The following TMEM19 variants were observed in gnomAD, a reference collection of about 807,000 sequenced individuals.
TMEM19 encodes transmembrane protein 19.
TMEM19 carries 21 observed loss-of-function variants against 33.6 expected under a neutral mutation model. That is an observed-to-expected ratio of 0.62 (90% confidence interval 0.44 to 0.90). The LOEUF is 0.90. TMEM19 is among the 40% of genes least tolerant of loss of function. The pLI is 0.00. For synonymous variants in TMEM19, 149 were observed against 147.5 expected (o/e 1.01, Z -0.07); for missense variants, 402 against 401.8 (o/e 1.00, Z 0.00).
Position 71,700,970 on chromosome 12 carries a change from C to T in TMEM19, c.986C>T (p.Ala329Val), listed in dbSNP as rs1565857697. 4 of 1,611,864 alleles carry T rather than the reference C, an allele frequency of 2.5e-6. No homozygotes were observed. The highest frequency in any genetic ancestry group is 2.2e-5 in the South Asian group (2 of 90,680). The change falls in exon 6 of 6, where the codon GCT becomes GTT. Residue 329 changes from alanine to valine, a missense_variant. Transcript: ENST00000266673. The part of the protein sequence containing the change: ...VLIALLLPTA[A>V]WGFWPRG ...ATTGCCCTCTTGCTCCCAACTGCTG[C>T]TTGGGGTTTTTGGCCCAGGGGGTGA...
At chr12:71,697,694 G>A (rs779730089) in intron 4 of TMEM19, among the ~76,000 whole-genome samples, 160 bp downstream of exon 4, 14 of 151,960 alleles carry the variant, frequency 9.2e-5, no homozygotes, top group African/African-American at 2.4e-4. Flanking sequence ...AATTTCTGTC[G>A]ACTATTAAAT....
At chr12:71,689,008 G>C (rs1422527881) in intron 1 of TMEM19, among the ~76,000 whole-genome samples, 1 of 152,028 alleles carries the variant, frequency 6.6e-6, no homozygotes, top group Non-Finnish European at 1.5e-5. Flanking sequence ...TAAATATCTA[G>C]ATATCCATTA....
chr12:71,693,430 T>C (rs969481292), intron 2 of TMEM19, among the ~76,000 whole-genome samples: 2 of 152,092 alleles, frequency 1.3e-5, no homozygotes, highest in Non-Finnish European at 2.9e-5. Context: ...TTAAAGTATA[T>C]CATAGTAGTT....
intron 2 of TMEM19, among the ~76,000 whole-genome samples, chr12:71,691,792 T>C (rs1305262821): frequency 6.6e-6 from 1 of 151,920 alleles, no homozygotes; most frequent in Non-Finnish European, 1.5e-5. Flanking sequence ...TTATTATTCT[T>C]ATAGAAAAAA....
chr12:71,699,858 AG>A (rs1210446497), intron 5 of TMEM19: 1 of 152,446 alleles, frequency 6.6e-6, no homozygotes, highest in Non-Finnish European at 1.5e-5. Flanking sequence ...TCAAAAAAAA[AG>A]AAAAAAGATA....
In TMEM19 at chr12:71,704,119, G is replaced by T; in HGVS notation, c.*3124G>T. The T allele has an allele frequency of 3.5e-6, 1 of 285,054 alleles. No individual in the cohort carries two copies. Among genetic ancestry groups the T allele is most frequent in the South Asian group, 3.0e-5 (1 of 33,792 alleles). The allele number at this position is 285,054 out of a possible 1,614,324, so 17.7% of individuals were successfully genotyped here. A position where few individuals can be genotyped will look rare whatever the true frequency, so the allele number is the denominator to read the frequency against. Reference sequence around the variant, plus strand: ...AGAAGAGAGCAGATATATGTGGCTTGGGGCAGCTCCTGAAGAAGACTTGCA... The same window carrying T: ...AGAAGAGAGCAGATATATGTGGCTTTGGGCAGCTCCTGAAGAAGACTTGCA... On this transcript the variant is annotated 3_prime_UTR_variant, in exon 6 of 6. Coordinates refer to ENST00000266673, the MANE Select transcript of TMEM19 (RefSeq NM_018279.4).
In TMEM19 at chr12:71,696,462, A is replaced by T; in HGVS notation, c.271A>T (p.Ile91Phe). Residue 91 changes from isoleucine to phenylalanine, a missense_variant, in exon 3 of 6, where the codon ATT (isoleucine) becomes TTT (phenylalanine). Physicochemically the swap from Ile to Phe is conservative, Grantham distance 21 (BLOSUM62 0). Transcript: ENST00000266673. ...GGLVVGFILTIANFSFFTSLL... is the reference protein window; with the variant it reads ...GGLVVGFILTFANFSFFTSLL... Reference sequence around the variant, plus strand: ...GCTAGTCGTTGGATTTATCCTAACCATTGCAAATTTCAGCTTTTTTACCTC... The same window carrying T: ...GCTAGTCGTTGGATTTATCCTAACCTTTGCAAATTTCAGCTTTTTTACCTC... 2.5e-6 allele frequency: 4 copies of T among 1,612,190 alleles called. No homozygotes were observed. Among genetic ancestry groups the T allele is most frequent in the Non-Finnish European group, 3.4e-6 (4 of 1,179,098 alleles).
At position 71,686,743 on chromosome 12, in the gene TMEM19, A is replaced by C; in HGVS notation, c.63A>C (p.Ile21=). The change falls in exon 1 of 6, where the codon ATA becomes ATC. Residue 21 remains isoleucine, a synonymous_variant. Transcript: ENST00000266673. ...RYIKMITNIV[I]LSLIICISLA... The stretch of plus-strand genomic sequence containing the variant: ...TAAAGATGATAACTAATATAGTTAT[A>C]CTGAGCCTGATCATTTGCATTTCGT... The C allele has an allele frequency of 6.2e-7, 1 of 1,611,194 alleles. No homozygotes were observed. Among genetic ancestry groups the C allele is most frequent in the Non-Finnish European group, 8.5e-7 (1 of 1,177,974 alleles).
rs1881696615 is a variant in TMEM19, at chr12:71,686,748, G to T, written c.68G>T (p.Ser23Ile). The change falls in exon 1 of 6, where the codon AGC becomes ATC. Residue 23 changes from serine to isoleucine, a missense_variant. Coordinates refer to ENST00000266673, the MANE Select transcript of TMEM19 (RefSeq NM_018279.4). The stretch of plus-strand genomic sequence containing the variant: ...ATGATAACTAATATAGTTATACTGA[G>T]CCTGATCATTTGCATTTCGTTAGCT... Reference protein sequence around the residue: ...IKMITNIVILSLIICISLAFW... With the variant: ...IKMITNIVILILIICISLAFW... 1 of 1,612,428 alleles carries T rather than the reference G, an allele frequency of 6.2e-7. No homozygotes were observed. The highest frequency in any genetic ancestry group is 1.7e-5 in the Admixed American group (1 of 59,888).
Position 71,686,417 on chromosome 12 carries a change from G to A in TMEM19, c.-264G>A. ...GCGTGAGGCGCTGAAGCGGCCGGCA[G>A]CCGGCGACCGGCCCTCACCGTCCGC... On this transcript the variant is annotated 5_prime_UTR_variant, in exon 1 of 6. Coordinates refer to ENST00000266673, the MANE Select transcript of TMEM19 (RefSeq NM_018279.4). The A allele has an allele frequency of 3.0e-6, 1 of 332,484 alleles. No homozygotes were observed. The highest frequency in any genetic ancestry group is 5.7e-5 in the Admixed American group (1 of 17,568). 20.6% of individuals were successfully genotyped at this position (332,484 alleles called of 1,614,324 possible). A position where few individuals can be genotyped will look rare whatever the true frequency, so the allele number is the denominator to read the frequency against.
chr12:71,697,680 G>A, intron 4 of TMEM19, 146 bp downstream of exon 4: 3 of 1,065,992 alleles, frequency 2.8e-6, no homozygotes, highest in South Asian at 2.1e-5. Flanking sequence ...AATAATAATT[G>A]GAAAATTTCT....
Position 71,696,507 on chromosome 12 carries a change from T to C in TMEM19, c.316T>C (p.Ser106Pro), listed in dbSNP as rs771802343. The C allele has an allele frequency of 5.0e-6, 8 of 1,612,872 alleles. No homozygotes were observed. The Admixed American group carries it at 5.0e-5, about 10-fold the overall frequency. ...FFTSLLMFFL[S>P]SSKLTKWKGE... ...TACCTCTTTGCTGATGTTTTTCTTG[T>C]CTTCTTCGAAACTCACTAAATGGAA... Residue 106 changes from serine (S) to proline (P), a missense_variant, in exon 3 of 6, where the codon TCT becomes CCT. By Grantham distance (74) the Ser-to-Pro change is moderately conservative. Coordinates refer to ENST00000266673, the MANE Select transcript of TMEM19 (RefSeq NM_018279.4).
chr12:71,697,351 A>G lies in TMEM19; in HGVS notation c.454A>G (p.Ile152Val), dbSNP rs779146167. 8.7e-6 allele frequency: 14 copies of G among 1,612,230 alleles called. No homozygotes were observed. Among genetic ancestry groups the G allele is most frequent in the Non-Finnish European group, 1.1e-5 (13 of 1,179,398 alleles). Residue 152 changes from isoleucine (I) to valine (V), a missense_variant, in exon 4 of 6, where the codon ATA becomes GTA. Physicochemically the swap from Ile to Val is conservative, Grantham distance 29. Coordinates refer to ENST00000266673, the MANE Select transcript of TMEM19 (RefSeq NM_018279.4). Reference protein sequence around the residue: ...VPTELALLYMIENGPGEIPVD... With the variant: ...VPTELALLYMVENGPGEIPVD... ...CACAGAACTGGCCCTGCTGTACATGATAGAAAATGGCCCCGGGGAAATCCC... is the reference window on the plus strand; with the variant it reads ...CACAGAACTGGCCCTGCTGTACATGGTAGAAAATGGCCCCGGGGAAATCCC...
rs1882010778 is a variant in TMEM19 at position 71,703,180 on chromosome 12, T to C, written c.*2185T>C. On this transcript the variant is annotated 3_prime_UTR_variant, in exon 6 of 6. Transcript: ENST00000266673. ...CAACAGAGGGAGACTCCATCTAGAC[T>C]CCATCTCAAAAAAAAAAAAAAAAAA... is the stretch of plus-strand genomic sequence containing the variant. The C allele has an allele frequency of 1.5e-5, 1 of 66,190 alleles. No individual in the cohort carries two copies. The highest frequency in any genetic ancestry group is 2.6e-5 in the Non-Finnish European group (1 of 37,938). The allele number at this position is 66,190 out of a possible 1,614,324, so 4.1% of individuals were successfully genotyped here.
rs193198569 is a variant in TMEM19, at chr12:71,690,925, G to A, written c.244+1221G>A. 1.1e-3 allele frequency among the ~76,000 whole-genome samples: 164 copies of A among 152,326 alleles called. 2 individuals are homozygous for A. The highest frequency in any genetic ancestry group is 3.4e-3 in the African/African-American group (142 of 41,570). On this transcript the variant is annotated intron_variant, in intron 2 of 5. Transcript: ENST00000266673. ...GAATAAACTCTAGCAATGTGCTCTCGTGGTCCTATGGTTTTGTCAATTTTG... is the reference window on the plus strand; with the variant it reads ...GAATAAACTCTAGCAATGTGCTCTCATGGTCCTATGGTTTTGTCAATTTTG...
chr12:71,687,840 A>G (rs1198004186), intron 1 of TMEM19, among the ~76,000 whole-genome samples: 3 of 152,202 alleles, frequency 2.0e-5, no homozygotes, highest in African/African-American at 7.2e-5. Context: ...GTTTGCAACA[A>G]AGGAAAAATG....
rs144938659 is a variant in TMEM19 at position 71,688,535 on chromosome 12, C to A, written c.131-1056C>A. 1.0e-3 allele frequency among the ~76,000 whole-genome samples: 154 copies of A among 152,218 alleles called. 1 individual carries two copies. Among genetic ancestry groups the A allele is most frequent in the African/African-American group, 3.3e-3 (138 of 41,522 alleles). The stretch of plus-strand genomic sequence containing the variant: ...TGAGCCACTGCGCCCGGCCCATTTT[C>A]TCATTTTTGATAGAAACATAGATAC... On this transcript the variant is annotated intron_variant, in intron 1 of 5. Transcript: ENST00000266673.
chr12:71,699,402 G>C lies in TMEM19; in HGVS notation c.847+293G>C, dbSNP rs965532277. 3 of 534,728 alleles carry C rather than the reference G, an allele frequency of 5.6e-6. No homozygotes were observed. In the African/African-American group the frequency reaches 5.7e-5, roughly 10 times the overall value. 33.1% of individuals were successfully genotyped at this position (534,728 alleles called of 1,614,324 possible). ...TTACCTAATCCCAGAAAAGCAAGAC[G>C]TTTGGGATCAGATCATTTTAATACA... is the stretch of plus-strand genomic sequence containing the variant. On this transcript the variant is annotated intron_variant, in intron 5 of 5. Coordinates refer to ENST00000266673, the MANE Select transcript of TMEM19 (RefSeq NM_018279.4).
chr12:71,696,277 C>G (rs958114259), intron 2 of TMEM19, among the ~76,000 whole-genome samples, 159 bp from the exon 3 acceptor site: 1 of 152,100 alleles, frequency 6.6e-6, no homozygotes, highest in African/African-American at 2.4e-5. Flanking sequence ...AAATGGCATT[C>G]AGTTTACTGC....
Sources: gnomAD v4.1 joint callset for allele counts (sites outside exome capture counted in the v4.1 genomes callset) on GRCh38, gnomAD v4.1.1 for gene constraint, MANE v1.5 for transcripts, NCBI Gene and HGNC (gene_info 2026-07-23, HGNC 2026-07-21) for gene names.